Variants in RIMS2 observed in about 807,000 individuals in gnomAD.
RIMS2 encodes regulating synaptic membrane exocytosis 2.
RIMS2 carries 59 observed loss-of-function variants against 174.4 expected under a neutral mutation model. That is an observed-to-expected ratio of 0.34 (90% CI 0.27 to 0.42). RIMS2 has a LOEUF of 0.42. RIMS2 is among the 10% of genes least tolerant of loss of function. RIMS2 has a pLI of 1.00. For missense variants in RIMS2, 1,620 were observed against 1,666.3 expected (o/e 0.97, Z 0.48); for synonymous variants, 606 against 572.5 (o/e 1.06, Z -0.84).
intron 19 of RIMS2, among the ~76,000 whole-genome samples, chr8:104,189,735 A>G (rs2098988260): frequency 6.6e-6 from 1 of 151,628 alleles, no homozygotes; most frequent in African/African-American, 2.4e-5. Flanking sequence ...TGGCTACAAA[A>G]TTATAATTTG....
chr8:103,617,775 A>G (rs1179015953), intron 1 of RIMS2, among the ~76,000 whole-genome samples: 1 of 152,224 alleles, frequency 6.6e-6, no homozygotes, highest in Non-Finnish European at 1.5e-5. Flanking sequence ...AGTGATCATT[A>G]GAGAAATGTA....
At chr8:104,150,278 ATAAT>A (rs1464103584) in intron 19 of RIMS2, among the ~76,000 whole-genome samples, 1 of 152,234 alleles carries the variant, frequency 6.6e-6, no homozygotes, top group Non-Finnish European at 1.5e-5. Context: ...ATGAAACTAA[ATAAT>A]TAATTCCATT....
chr8:103,738,477 G>A (rs1440287973), intron 2 of RIMS2, among the ~76,000 whole-genome samples: 1 of 152,126 alleles, frequency 6.6e-6, no homozygotes, highest in East Asian at 1.9e-4. Context: ...CATGGACAAG[G>A]ACTTCACGTC....
At chr8:103,673,999 G>C (rs1177772770) in intron 1 of RIMS2, among the ~76,000 whole-genome samples, 1 of 152,166 alleles carries the variant, frequency 6.6e-6, no homozygotes, top group Non-Finnish European at 1.5e-5. Flanking sequence ...TCTTCCTTCA[G>C]ATACCCTAGG....
intron 19 of RIMS2, among the ~76,000 whole-genome samples, chr8:104,115,737 G>T (rs2098268842): frequency 6.6e-6 from 1 of 152,068 alleles, no homozygotes; most frequent in Non-Finnish European, 1.5e-5. Context: ...AGTAAGTCAG[G>T]CTTAAGAACT....
rs1387343265 is a variant in RIMS2 at position 103,910,390 on chromosome 8, A to G, written c.1692+189A>G. Reference sequence around the variant, plus strand: ...TTGTCGGACTCTAACACCAGGTCTGAGAGACAAAAGGAAATGATGTACTTT... The same window carrying G: ...TTGTCGGACTCTAACACCAGGTCTGGGAGACAAAAGGAAATGATGTACTTT... On this transcript the variant is annotated intron_variant, in intron 5 of 23. Coordinates refer to ENST00000504942, the Ensembl canonical transcript of RIMS2. 6.3e-6 allele frequency: 10 copies of G among 1,597,500 alleles called. No individual in the cohort carries two copies. In the Middle Eastern group the frequency reaches 4.9e-4, roughly 79 times the overall value.
chr8:104,052,827 G>T (rs1238634068), intron 19 of RIMS2, among the ~76,000 whole-genome samples: 2 of 151,792 alleles, frequency 1.3e-5, no homozygotes, highest in Admixed American at 1.3e-4. Context: ...TTGAAGATAT[G>T]GAATTAAATA....
At chr8:104,254,718 T>A (rs2099365709), downstream of RIMS2, 1 of 152,202 alleles carries the variant, frequency 6.6e-6, no homozygotes, top group African/African-American at 2.4e-5. Flanking sequence ...TTGAGTGAAA[T>A]TTTTAATTTA....
At chr8:104,172,179 T>A (rs1054710946) in intron 19 of RIMS2, among the ~76,000 whole-genome samples, 1 of 152,228 alleles carries the variant, frequency 6.6e-6, no homozygotes, top group African/African-American at 2.4e-5. Context: ...CTAAAGCATG[T>A]GGGTAGATGT....
At chr8:103,626,040 A>G (rs531297938) in intron 1 of RIMS2, among the ~76,000 whole-genome samples, 1 of 152,094 alleles carries the variant, frequency 6.6e-6, no homozygotes, top group South Asian at 2.1e-4. Flanking sequence ...TACCTGTCAC[A>G]TAATAAGTAT....
At chr8:103,895,516 A>G (rs1319309008) in intron 4 of RIMS2, among the ~76,000 whole-genome samples, 2 of 151,608 alleles carry the variant, frequency 1.3e-5, no homozygotes, top group South Asian at 4.1e-4. Context: ...CTCCACTCTC[A>G]TGACTTCCCA....
chr8:103,844,321 A>G (rs952548983), intron 3 of RIMS2, among the ~76,000 whole-genome samples: 14 of 152,196 alleles, frequency 9.2e-5, no homozygotes, highest in Admixed American at 6.5e-5. Flanking sequence ...TAGTGTGCTT[A>G]GCAGCCTCTA....
At chr8:103,668,285 A>G (rs184535787) in intron 1 of RIMS2, among the ~76,000 whole-genome samples, 1 of 152,236 alleles carries the variant, frequency 6.6e-6, no homozygotes, top group Admixed American at 6.5e-5. Flanking sequence ...TACCTTATTT[A>G]TTTTACTTGT....
intron 1 of RIMS2, among the ~76,000 whole-genome samples, chr8:103,617,662 G>T (rs1402051574): frequency 6.6e-6 from 1 of 151,948 alleles, no homozygotes; most frequent in Non-Finnish European, 1.5e-5. Context: ...AAATTTATAA[G>T]AGAAAAACAA....
At chr8:103,791,632 G>A (rs2098500289) in intron 3 of RIMS2, among the ~76,000 whole-genome samples, 2 of 152,070 alleles carry the variant, frequency 1.3e-5, no homozygotes, top group Admixed American at 6.6e-5. Context: ...TGGCAAATTC[G>A]GTAAAGAGTC....
At chr8:103,738,263 A>C (rs1429130310) in intron 2 of RIMS2, among the ~76,000 whole-genome samples, 2 of 152,198 alleles carry the variant, frequency 1.3e-5, no homozygotes, top group Non-Finnish European at 2.9e-5. Flanking sequence ...TATACACTCC[A>C]AATTGAAGTG....
At chr8:103,588,775 C>G (rs1423133799) in intron 1 of RIMS2, among the ~76,000 whole-genome samples, 1 of 151,874 alleles carries the variant, frequency 6.6e-6, no homozygotes, top group Non-Finnish European at 1.5e-5. Context: ...GGATTAAAGA[C>G]TGAAATTTAG....
At chr8:104,024,510 G>A (rs887409371) in intron 19 of RIMS2, among the ~76,000 whole-genome samples, 6 of 152,112 alleles carry the variant, frequency 3.9e-5, no homozygotes, top group African/African-American at 1.4e-4. Flanking sequence ...GTTGTAGATT[G>A]TGTTCTCTTT....
chr8:103,995,470 CAG>C (rs1162827865), intron 17 of RIMS2, among the ~76,000 whole-genome samples: 1 of 151,810 alleles, frequency 6.6e-6, no homozygotes, highest in Non-Finnish European at 1.5e-5. Flanking sequence ...GCAGTGGAGA[CAG>C]AGGGAGAATG....
Sources: allele counts gnomAD v4.1 joint callset (sites outside exome capture counted in the v4.1 genomes callset), GRCh38; gene constraint gnomAD v4.1.1; transcripts MANE v1.5; gene names NCBI Gene and HGNC (gene_info 2026-07-23, HGNC 2026-07-21).